SGO2: variants seen among roughly 807,000 people sequenced by gnomAD.
The protein encoded by SGO2 is shugoshin 2, also known as shugoshin-like 2.
In SGO2, 68 loss-of-function variants were observed where a neutral mutation model predicts 99.5. That is an observed-to-expected ratio of 0.68 (90% CI 0.56 to 0.84). The LOEUF (loss-of-function observed/expected upper bound fraction) is 0.84, where lower values mean the gene tolerates loss of function less well. Ranked by LOEUF, SGO2 falls within the 40% of genes least tolerant of loss-of-function variation. The pLI, the probability that SGO2 is intolerant of heterozygous loss-of-function variation, is 0.00. For synonymous variants in SGO2, 457 were observed against 487.1 expected, an observed-to-expected ratio of 0.94 and a Z score of 0.81; for missense variants, 1,350 against 1,436.7, an observed-to-expected ratio of 0.94 and a Z score of 0.97.
intron 1 of SGO2, among the ~76,000 whole-genome samples, chr2:200,530,048 G>A (rs150731840): frequency 8.1e-4 from 123 of 152,336 alleles, no homozygotes; most frequent in Middle Eastern, 3.4e-3. Context: ...AGGGGAATGC[G>A]ATAGAGGGAG....
intron 1 of SGO2, among the ~76,000 whole-genome samples, chr2:200,528,297 G>A (rs1400969479): frequency 6.6e-6 from 1 of 152,208 alleles, no homozygotes; most frequent in Non-Finnish European, 1.5e-5. Flanking sequence ...GGAGAAAATG[G>A]AAGCAGGGAC....
intron 2 of SGO2, among the ~76,000 whole-genome samples, chr2:200,533,902 C>T (rs1371094016): frequency 3.3e-5 from 5 of 152,246 alleles, no homozygotes; most frequent in South Asian, 4.1e-4. Context: ...CTCCCTTTGG[C>T]AAGACTATTC....
intron 5 of SGO2, among the ~76,000 whole-genome samples, chr2:200,558,758 C>T (rs1330776714): frequency 3.6e-5 from 5 of 137,488 alleles, no homozygotes; most frequent in African/African-American, 5.4e-5. Context: ...TAGAAGTTAT[C>T]TGGGCCTGCT....
chr2:200,573,138 C>G lies in SGO2; in HGVS notation c.2792C>G (p.Ala931Gly). The G allele has an allele frequency of 1.9e-6, 3 of 1,589,216 alleles. No homozygotes were observed. Among genetic ancestry groups the G allele is most frequent in the Non-Finnish European group, 2.6e-6 (3 of 1,173,496 alleles). ...ATATATGAGGATAATGATAAAGATGCACATGTCCAAGAAAGCTATACAAAA... is the reference window on the plus strand; with the variant it reads ...ATATATGAGGATAATGATAAAGATGGACATGTCCAAGAAAGCTATACAAAA... ...NQIYEDNDKDAHVQESYTKDL... is the reference protein window; with the variant it reads ...NQIYEDNDKDGHVQESYTKDL... Residue 931 changes from alanine (A) to glycine (G), a missense_variant, in exon 7 of 9, where the codon GCA becomes GGA. Physicochemically the swap from Ala to Gly is moderately conservative, Grantham distance 60. Coordinates refer to ENST00000357799, the MANE Select transcript of SGO2 (RefSeq NM_152524.6).
At chr2:200,580,100 G>A (rs575589587) in intron 8 of SGO2, among the ~76,000 whole-genome samples, 4 of 152,040 alleles carry the variant, frequency 2.6e-5, no homozygotes, top group Non-Finnish European at 5.9e-5. Flanking sequence ...TTTTTTGTGT[G>A]TATGAAAATT....
intron 1 of SGO2, among the ~76,000 whole-genome samples, chr2:200,528,086 A>G (rs530607624): frequency 6.6e-6 from 1 of 152,358 alleles, no homozygotes; most frequent in African/African-American, 2.4e-5. Flanking sequence ...CAAGAGAAAG[A>G]TTAATGAAAA....
chr2:200,572,551 A>G lies in SGO2; in HGVS notation c.2205A>G (p.Ile735Met), dbSNP rs1393004228. ...ATCATTTAGATAATGACAAAAGTAT[A>G]GAATACACAGTTAAAAGTCACTCAC... is the stretch of plus-strand genomic sequence containing the variant. ...EVNHLDNDKS[I>M]EYTVKSHSLF... Residue 735 changes from isoleucine (I) to methionine (M), a missense_variant, in exon 7 of 9, where the codon ATA (isoleucine) becomes ATG (methionine). By Grantham distance (10) the Ile-to-Met change is conservative. Transcript: ENST00000357799. The G allele has an allele frequency of 3.1e-6, 5 of 1,612,246 alleles. No homozygotes were observed. The highest frequency in any genetic ancestry group is 4.2e-6 in the Non-Finnish European group (5 of 1,178,772).
chr2:200,533,519 ATGTG>A (rs35068823), intron 2 of SGO2: 53,467 of 143,848 alleles, frequency 0.37, 9,946 homozygotes, highest in East Asian at 0.65. Context: ...TATAATGTAT[ATGTG>A]TGTGTGTGTG....
chr2:200,583,984 T>C lies in SGO2; in HGVS notation c.*520T>C. Among the ~76,000 whole-genome samples the C allele has an allele frequency of 6.6e-6, 1 of 152,246 alleles. No homozygotes were observed. Among genetic ancestry groups the C allele is most frequent in the East Asian group, 1.9e-4 (1 of 5,202 alleles). On this transcript the variant is annotated 3_prime_UTR_variant, in exon 9 of 9. Transcript: ENST00000357799. ...TTTCTATTATATGTAATCTGATGAC[T>C]TAGAGGAGGAGATTAACCTTTCAGG...
Position 200,569,669 on chromosome 2 carries a change from AT to A in SGO2, c.482del (p.Leu161Ter), listed in dbSNP as rs762563294. The part of the protein sequence containing the change: ...LMRLPFARVP[L>X]TSNDDEDEDK... Reference sequence around the variant, plus strand: ...CCTTCCCACTTGCCTTTAGGGTTCCATTAACTTCAAATGATGATGAAGATGA... The same window carrying A: ...CCTTCCCACTTGCCTTTAGGGTTCCATAACTTCAAATGATGATGAAGATGA... On this transcript the variant is annotated frameshift_variant, in exon 6 of 9. Coordinates refer to ENST00000357799, the MANE Select transcript of SGO2 (RefSeq NM_152524.6). LOFTEE classifies it high-confidence loss of function. 2.2e-5 allele frequency: 35 copies of A among 1,602,628 alleles called. No homozygotes were observed. The highest frequency in any genetic ancestry group is 2.6e-5 in the Non-Finnish European group (31 of 1,174,910).
rs373067123 is a variant in SGO2, at chr2:200,550,892, G to A, written c.473+8228G>A. ...CAGCAACGGAAACAATCAACAAAGT[G>A]AAGAGACAACCCATATAATGTGAGA... On this transcript the variant is annotated intron_variant, in intron 5 of 8. Coordinates refer to ENST00000357799, the MANE Select transcript of SGO2 (RefSeq NM_152524.6). 1.4e-3 allele frequency among the ~76,000 whole-genome samples: 214 copies of A among 151,654 alleles called. 1 individual carries two copies. Among genetic ancestry groups the A allele is most frequent in the African/African-American group, 4.8e-3 (200 of 41,366 alleles).
chr2:200,540,212 A>G (rs1286243355), intron 4 of SGO2, among the ~76,000 whole-genome samples: 6 of 152,106 alleles, frequency 3.9e-5, no homozygotes, highest in African/African-American at 1.4e-4. Flanking sequence ...GATGATATCT[A>G]TTGTCCTTTC....
In SGO2 at chr2:200,583,558, AG is replaced by A. The variant is rs894593093; in HGVS notation, c.*96del. 6 of 1,215,326 alleles carry A rather than the reference AG, an allele frequency of 4.9e-6. No homozygotes were observed. Among genetic ancestry groups the A allele is most frequent in the Middle Eastern group, 4.5e-4 (2 of 4,406 alleles). The allele number at this position is 1,215,326 out of a possible 1,614,324, so 75.3% of individuals were successfully genotyped here. On this transcript the variant is annotated 3_prime_UTR_variant, in exon 9 of 9. Coordinates refer to ENST00000357799, the MANE Select transcript of SGO2 (RefSeq NM_152524.6). The stretch of plus-strand genomic sequence containing the variant: ...CAAGAAGATGAAATGCTTAATGAAA[AG>A]GTTTTTTTTTTGTTTCTTTGGCCTT...
At chr2:200,536,023 A>G in intron 3 of SGO2, 42 bp from the exon 4 acceptor site, 1 of 1,249,784 alleles carries the variant, frequency 8.0e-7, no homozygotes, top group Non-Finnish European at 1.1e-6. Flanking sequence ...ATAAATTACA[A>G]GTCTTAACTG....
chr2:200,527,311 G>A (rs2031147256), intron 1 of SGO2, among the ~76,000 whole-genome samples: 1 of 152,178 alleles, frequency 6.6e-6, no homozygotes, highest in South Asian at 2.1e-4. Context: ...TTCCTAATTA[G>A]TAAAGTGAGA....
rs151012005 is a variant in SGO2, at chr2:200,537,546, A to T, written c.387+1404A>T. ...CTTCACATGACTTTTAGAATACCAC[A>T]CACTCCTAAGTCTCTTCCTACCTTT... On this transcript the variant is annotated intron_variant, in intron 4 of 8. Transcript: ENST00000357799. 4.5e-4 allele frequency among the ~76,000 whole-genome samples: 68 copies of T among 152,174 alleles called. 1 individual carries two copies. The East Asian group carries it at 0.013, about 29-fold the overall frequency.
At chr2:200,560,999 A>C (rs1250317297) in intron 5 of SGO2, among the ~76,000 whole-genome samples, 7 of 152,214 alleles carry the variant, frequency 4.6e-5, no homozygotes, top group African/African-American at 1.2e-4. Context: ...TCATCTAGTC[A>C]GTAAAGTTTA....
rs756830617 is a variant in SGO2 at position 200,572,682 on chromosome 2, A to C, written c.2336A>C (p.Asp779Ala). The C allele has an allele frequency of 6.2e-7, 1 of 1,612,230 alleles. No individual in the cohort carries two copies. Among genetic ancestry groups the C allele is most frequent in the Non-Finnish European group, 8.5e-7 (1 of 1,179,260 alleles). The change falls in exon 7 of 9, where the codon GAT becomes GCT. Residue 779 changes from aspartate to alanine, a missense_variant. Physicochemically the swap from Asp to Ala is moderately radical, Grantham distance 126 (BLOSUM62 -2). Coordinates refer to ENST00000357799, the MANE Select transcript of SGO2 (RefSeq NM_152524.6). ...ACCAAAGATAGTGGAAACCTGTATGATTCTGAGATTCAAAATGTTTTGGGG... is the reference window on the plus strand; with the variant it reads ...ACCAAAGATAGTGGAAACCTGTATGCTTCTGAGATTCAAAATGTTTTGGGG... ...LSTKDSGNLY[D>A]SEIQNVLGVK...
At chr2:200,557,865 C>CT (rs796257056) in intron 5 of SGO2, among the ~76,000 whole-genome samples, 22,296 of 130,114 alleles carry the variant, frequency 0.17, 2,218 homozygotes, top group East Asian at 0.28. Context: ...GCATTGGCTA[C>CT]TTTTTTTTTT....
Sources: gnomAD v4.1 joint callset for allele counts (sites outside exome capture counted in the v4.1 genomes callset) on GRCh38, gnomAD v4.1.1 for gene constraint, MANE v1.5 for transcripts, NCBI Gene and HGNC (gene_info 2026-07-23, HGNC 2026-07-21) for gene names.